NSRP1: variants seen among roughly 807,000 people sequenced by gnomAD.
The protein encoded by NSRP1 is coiled-coil domain containing 55.
In NSRP1, 24 loss-of-function variants were observed where a neutral mutation model predicts 54.7. The ratio of observed to expected loss-of-function variants is 0.44; its 90% CI spans 0.32 to 0.62. NSRP1 has a LOEUF of 0.62. Among genes scored for constraint, NSRP1 ranks in the 20% least tolerant of loss-of-function variants. NSRP1 has a pLI of 0.06. For missense variants in NSRP1, 596 were observed against 651.2 expected (o/e 0.92, Z 0.92); for synonymous variants, 210 against 213.8 (o/e 0.98, Z 0.15).
intron 2 of NSRP1, among the ~76,000 whole-genome samples, chr17:30,139,026 T>C (rs547606637): frequency 5.6e-5 from 8 of 143,550 alleles, no homozygotes; most frequent in South Asian, 2.4e-4. Flanking sequence ...CACACCATTC[T>C]CCTGCCTCAG....
intron 2 of NSRP1, among the ~76,000 whole-genome samples, chr17:30,129,559 G>C (rs1418039211): frequency 6.6e-6 from 1 of 151,848 alleles, no homozygotes; most frequent in Non-Finnish European, 1.5e-5. Context: ...AAATTTTCTT[G>C]AAAAAGTAAG....
chr17:30,165,480 C>T (rs1427955049), intron 2 of NSRP1, among the ~76,000 whole-genome samples: 2 of 152,136 alleles, frequency 1.3e-5, no homozygotes, highest in Admixed American at 1.3e-4. Context: ...TTTAAAAATA[C>T]GCTTTTTAAA....
intron 2 of NSRP1, among the ~76,000 whole-genome samples, chr17:30,124,262 CTAAAA>C (rs1448835181): frequency 6.6e-6 from 1 of 152,144 alleles, no homozygotes; most frequent in Non-Finnish European, 1.5e-5. Context: ...GATCCTGTCT[CTAAAA>C]TAAAAAGAAA....
chr17:30,170,356 A>G (rs908303067), intron 2 of NSRP1, among the ~76,000 whole-genome samples: 2 of 152,164 alleles, frequency 1.3e-5, no homozygotes, highest in African/African-American at 2.4e-5. Flanking sequence ...TTTAGCATGA[A>G]TACCATATAT....
chr17:30,174,569 T>C (rs796967839), intron 3 of NSRP1, among the ~76,000 whole-genome samples: 76 of 152,328 alleles, frequency 5.0e-4, no homozygotes, highest in African/African-American at 1.6e-3. Context: ...TTCCGTTTCA[T>C]TGGGAAAACT....
rs1165027669 is a variant in NSRP1 at position 30,184,620 on chromosome 17, G to C, written c.623G>C (p.Gly208Ala). The C allele has an allele frequency of 1.3e-6, 2 of 1,558,644 alleles. No homozygotes were observed. Among genetic ancestry groups the C allele is most frequent in the East Asian group, 2.3e-5 (1 of 44,250 alleles). ...TTTTGTTTTTTGTTTCTAAGATCTG[G>C]TATAAAGGAAGAAAAATCAAGGGGC... ...PKCSFREARSGIKEEKSRGFS... is the reference protein window; with the variant it reads ...PKCSFREARSAIKEEKSRGFS... The change falls in exon 7 of 7, where the codon GGT becomes GCT. Residue 208 changes from glycine to alanine, a missense_variant. Physicochemically the swap from Gly to Ala is moderately conservative, Grantham distance 60. Coordinates refer to ENST00000247026, the MANE Select transcript of NSRP1 (RefSeq NM_032141.4).
At chr17:30,158,308 A>ATTTT (rs35919418) in intron 2 of NSRP1, among the ~76,000 whole-genome samples, 85 of 133,838 alleles carry the variant, frequency 6.4e-4, no homozygotes, top group Middle Eastern at 4.0e-3. Flanking sequence ...TTTTAATGGC[A>ATTTT]TTTTTTTTTT....
At chr17:30,167,900 G>A (rs1274226424) in intron 2 of NSRP1, among the ~76,000 whole-genome samples, 3 of 152,104 alleles carry the variant, frequency 2.0e-5, no homozygotes, top group Non-Finnish European at 4.4e-5. Flanking sequence ...TACATGTACA[G>A]TTATAATAAT....
intron 6 of NSRP1, among the ~76,000 whole-genome samples, chr17:30,181,830 G>A (rs185702244): frequency 1.1e-4 from 17 of 151,894 alleles, no homozygotes; most frequent in African/African-American, 4.1e-4. Flanking sequence ...GACTAGTCTC[G>A]AATTCCTGAC....
chr17:30,126,268 C>T (rs2071648705), intron 2 of NSRP1: 1 of 152,238 alleles, frequency 6.6e-6, no homozygotes, highest in African/African-American at 2.4e-5. Flanking sequence ...TTTCTCCTAA[C>T]TGTTCCTCCA....
chr17:30,135,293 A>ATT (rs1460996483), intron 2 of NSRP1, among the ~76,000 whole-genome samples: 4 of 134,006 alleles, frequency 3.0e-5, no homozygotes, highest in African/African-American at 5.5e-5. Context: ...TAATTTTTGT[A>ATT]TTTTTTTTTT....
intron 2 of NSRP1, chr17:30,168,964 A>G (rs1159527340): frequency 6.6e-6 from 1 of 152,036 alleles, no homozygotes; most frequent in Non-Finnish European, 1.5e-5. Flanking sequence ...GTTGAATTCT[A>G]GGGATATAAG....
rs753063662 is a variant in NSRP1 at position 30,185,429 on chromosome 17, A to G, written c.1432A>G (p.Met478Val). 1.2e-6 allele frequency: 2 copies of G among 1,608,768 alleles called. No individual in the cohort carries two copies. Among genetic ancestry groups the G allele is most frequent in the East Asian group, 4.5e-5 (2 of 44,860 alleles). Reference protein sequence around the residue: ...DQERSNKMRNMAKDKERNQEK... With the variant: ...DQERSNKMRNVAKDKERNQEK... ...AGAAAGATCCAACAAAATGAGAAAC[A>G]TGGCAAAGGACAAAGAAAGAAACCA... is the stretch of plus-strand genomic sequence containing the variant. The change falls in exon 7 of 7, where the codon ATG (methionine) becomes GTG (valine). Residue 478 changes from methionine to valine, a missense_variant. By Grantham distance (21) the Met-to-Val change is conservative (BLOSUM62 1). Coordinates refer to ENST00000247026, the MANE Select transcript of NSRP1 (RefSeq NM_032141.4).
rs1340390424 is a variant in NSRP1, at chr17:30,185,637, T to G, written c.1640T>G (p.Val547Gly). Residue 547 changes from valine (V) to glycine (G), a missense_variant, in exon 7 of 7, where the codon GTT (valine) becomes GGT (glycine). Transcript: ENST00000247026. ...DRYLARQMAR[V>G]NAKTYIEKED... ...TACTTGGCCAGGCAGATGGCGCGGG[T>G]TAATGCAAAGACCTATATTGAGAAA... 1 of 1,609,908 alleles carries G rather than the reference T, an allele frequency of 6.2e-7. No individual in the cohort carries two copies. The highest frequency in any genetic ancestry group is 8.5e-7 in the Non-Finnish European group (1 of 1,178,816).
intron 2 of NSRP1, among the ~76,000 whole-genome samples, chr17:30,140,928 C>T (rs1000550544): frequency 6.6e-6 from 1 of 152,150 alleles, no homozygotes; most frequent in Non-Finnish European, 1.5e-5. Flanking sequence ...AATCCTCCCA[C>T]CTCAACCTCC....
At chr17:30,161,730 A>G (rs1597613108) in intron 2 of NSRP1, among the ~76,000 whole-genome samples, 1 of 152,232 alleles carries the variant, frequency 6.6e-6, no homozygotes, top group Non-Finnish European at 1.5e-5. Context: ...AGGAAGTATA[A>G]TTTTTCTTTT....
rs139248646 is a variant in NSRP1, at chr17:30,177,312, C to T, written c.172-759C>T. On this transcript the variant is annotated intron_variant, in intron 3 of 6. Transcript: ENST00000247026. ...CTTGAAGCCTGGGAGGCAGAGGTTG[C>T]AGTGAGCCAAGATCACACCACTGGC... is the stretch of plus-strand genomic sequence containing the variant. Among the ~76,000 whole-genome samples, 678 of 151,508 alleles carry T rather than the reference C, an allele frequency of 4.5e-3. 3 individuals carry two copies. The highest frequency in any genetic ancestry group is 0.016 in the African/African-American group (660 of 41,202).
chr17:30,123,993 G>T (rs889821528), intron 2 of NSRP1, among the ~76,000 whole-genome samples: 1 of 152,082 alleles, frequency 6.6e-6, no homozygotes, highest in African/African-American at 2.4e-5. Context: ...AAGCATCATG[G>T]CCAGGCATGA....
At chr17:30,162,207 C>T (rs1246027719) in intron 2 of NSRP1, among the ~76,000 whole-genome samples, 6 of 151,710 alleles carry the variant, frequency 4.0e-5, no homozygotes, top group Non-Finnish European at 7.4e-5. Flanking sequence ...TATTTTTTTA[C>T]TTTTAGTAGA....
Sources: gnomAD v4.1 joint callset for allele counts (sites outside exome capture counted in the v4.1 genomes callset) on GRCh38, gnomAD v4.1.1 for gene constraint, MANE v1.5 for transcripts, NCBI Gene and HGNC (gene_info 2026-07-23, HGNC 2026-07-21) for gene names.